The following MYO3B variants were observed in gnomAD, a reference collection of about 807,000 sequenced individuals.
MYO3B encodes the protein myosin-IIIb.
Under a neutral mutation model 174.6 loss-of-function variants are expected in MYO3B, and 156 were observed. The observed-to-expected ratio is 0.89, with a 90% CI of 0.78 to 1.02. The LOEUF (loss-of-function observed/expected upper bound fraction) is 1.02, where lower values mean the gene tolerates loss of function less well. Ranked by LOEUF, MYO3B falls within the 50% of genes least tolerant of loss-of-function variation. The pLI is 0.00. For missense variants in MYO3B, 1,632 were observed against 1,639.4 expected (o/e 1.00, Z 0.08); for synonymous variants, 563 against 569.1 (o/e 0.99, Z 0.15).
chr2:170,258,427 G>C (rs2093321142), intron 7 of MYO3B, among the ~76,000 whole-genome samples: 1 of 151,982 alleles, frequency 6.6e-6, no homozygotes. Flanking sequence ...CAATAAATGT[G>C]ATTCACCACA....
chr2:170,261,705 A>C (rs1198554182), intron 7 of MYO3B, among the ~76,000 whole-genome samples: 1 of 152,224 alleles, frequency 6.6e-6, no homozygotes, highest in Non-Finnish European at 1.5e-5. Flanking sequence ...TTGTGGCATG[A>C]TGCTATGTTT....
At chr2:170,189,371 G>A (rs534225483) in intron 1 of MYO3B, among the ~76,000 whole-genome samples, 142 of 152,062 alleles carry the variant, frequency 9.3e-4, no homozygotes, top group African/African-American at 3.0e-3. Flanking sequence ...CTTTCTCTAG[G>A]TTTAGGAGGT....
chr2:170,477,677 T>C lies in MYO3B; in HGVS notation c.3014+10966T>C, dbSNP rs536190278. 1.3e-5 allele frequency among the ~76,000 whole-genome samples: 2 copies of C among 151,120 alleles called. 1 individual carries two copies. The highest frequency in any genetic ancestry group is 4.3e-4 in the South Asian group (2 of 4,698). Reference sequence around the variant, plus strand: ...GCTGTCCTGTGCCTTATAAGATGTTTAGTAGCTTCTTTCTAGATTCTACAT... The same window carrying C: ...GCTGTCCTGTGCCTTATAAGATGTTCAGTAGCTTCTTTCTAGATTCTACAT... On this transcript the variant is annotated intron_variant, in intron 25 of 34. Coordinates refer to ENST00000408978, the MANE Select transcript of MYO3B (RefSeq NM_138995.5).
intron 7 of MYO3B, among the ~76,000 whole-genome samples, chr2:170,304,525 C>T (rs1192814269): frequency 6.9e-6 from 1 of 145,502 alleles, no homozygotes; most frequent in Admixed American, 7.0e-5. Context: ...AGTGCAGTGG[C>T]GTGACCTCAG....
intron 30 of MYO3B, among the ~76,000 whole-genome samples, chr2:170,521,211 T>C (rs1395148075): frequency 6.6e-6 from 1 of 152,246 alleles, no homozygotes; most frequent in Admixed American, 6.5e-5. Context: ...TCATTGGGCT[T>C]CTTTTAAAGT....
chr2:170,575,632 C>T (rs185118425), intron 32 of MYO3B, among the ~76,000 whole-genome samples: 1 of 152,082 alleles, frequency 6.6e-6, no homozygotes, highest in South Asian at 2.1e-4. Flanking sequence ...CAGATATGGG[C>T]CAATGGTCAT....
At chr2:170,627,554 CA>C (rs1446543043) in intron 32 of MYO3B, among the ~76,000 whole-genome samples, 1 of 152,230 alleles carries the variant, frequency 6.6e-6, no homozygotes, top group Non-Finnish European at 1.5e-5. Context: ...CTCAATTCGT[CA>C]AAGTCATTCT....
chr2:170,417,738 G>C (rs1004477415), intron 22 of MYO3B, among the ~76,000 whole-genome samples: 2 of 152,172 alleles, frequency 1.3e-5, no homozygotes, highest in Non-Finnish European at 2.9e-5. Flanking sequence ...CTCCATGTCT[G>C]TGTTTAAGTT....
chr2:170,392,570 A>C, intron 16 of MYO3B, 75 bp downstream of exon 16: 253 of 986,872 alleles, frequency 2.6e-4, no homozygotes, highest in Non-Finnish European at 3.4e-4. Flanking sequence ...GGTATTTCTC[A>C]CTTGGGATAA....
chr2:170,531,936 T>C (rs1216570276), intron 30 of MYO3B, among the ~76,000 whole-genome samples: 2 of 152,238 alleles, frequency 1.3e-5, no homozygotes, highest in Non-Finnish European at 2.9e-5. Flanking sequence ...GAATGGATGC[T>C]AACACTACTA....
intron 32 of MYO3B, among the ~76,000 whole-genome samples, chr2:170,620,680 G>A (rs779593437): frequency 5.9e-5 from 9 of 152,198 alleles, no homozygotes; most frequent in African/African-American, 1.4e-4. Context: ...AAAATGGCCC[G>A]GGTAGATCTG....
intron 1 of MYO3B, among the ~76,000 whole-genome samples, chr2:170,182,718 T>C (rs1246949491): frequency 6.6e-6 from 1 of 151,656 alleles, no homozygotes; most frequent in African/African-American, 2.4e-5. Flanking sequence ...TTTATGTTAT[T>C]CTCCTGCCTC....
intron 23 of MYO3B, among the ~76,000 whole-genome samples, chr2:170,462,583 G>T (rs553005303): frequency 6.6e-6 from 1 of 152,392 alleles, no homozygotes; most frequent in East Asian, 1.9e-4. Context: ...GCTGACAGCA[G>T]TGTCTTCCAT....
intron 32 of MYO3B, among the ~76,000 whole-genome samples, chr2:170,570,595 A>G (rs1469876991): frequency 2.6e-5 from 4 of 152,208 alleles, no homozygotes; most frequent in African/African-American, 9.6e-5. Context: ...CTTCCACAGC[A>G]AATTACTCTA....
Position 170,236,078 on chromosome 2 carries a change from G to C in MYO3B, c.691G>C (p.Asp231His), listed in dbSNP as rs774250061. ...GGGGATCACAGCTATTGAACTGGGG[G>C]ATGGAGACCCTCCCCTCTTTGACAT... ...SLGITAIELGDGDPPLFDMHP... is the reference protein window; with the variant it reads ...SLGITAIELGHGDPPLFDMHP... Residue 231 changes from aspartate to histidine, a missense_variant, in exon 7 of 35, where the codon GAT becomes CAT. Transcript: ENST00000408978. 2.5e-6 allele frequency: 4 copies of C among 1,614,078 alleles called. No homozygotes were observed. Among genetic ancestry groups the C allele is most frequent in the Non-Finnish European group, 3.4e-6 (4 of 1,180,008 alleles).
chr2:170,558,969 C>G (rs1308473445), intron 32 of MYO3B, among the ~76,000 whole-genome samples: 1 of 152,172 alleles, frequency 6.6e-6, no homozygotes, highest in Non-Finnish European at 1.5e-5. Context: ...AGTAAGCACT[C>G]AACAAAAATT....
intron 21 of MYO3B, among the ~76,000 whole-genome samples, chr2:170,406,727 T>A (rs2094511664): frequency 6.6e-6 from 1 of 152,164 alleles, no homozygotes; most frequent in Admixed American, 6.6e-5. Context: ...GGGAAAAACT[T>A]TTTTTATTTT....
intron 8 of MYO3B, among the ~76,000 whole-genome samples, chr2:170,338,912 T>C (rs2093961518): frequency 6.6e-6 from 1 of 152,174 alleles, no homozygotes; most frequent in Non-Finnish European, 1.5e-5. Context: ...CCCCAAATAA[T>C]ATCCTTTCAT....
intron 25 of MYO3B, among the ~76,000 whole-genome samples, chr2:170,478,378 G>T (rs1045370260): frequency 6.6e-6 from 1 of 152,066 alleles, no homozygotes; most frequent in African/African-American, 2.4e-5. Flanking sequence ...TAAATATTTC[G>T]AGTTCCTTAC....
Sources: gnomAD v4.1 joint callset for allele counts (sites outside exome capture counted in the v4.1 genomes callset) on GRCh38, gnomAD v4.1.1 for gene constraint, MANE v1.5 for transcripts, NCBI Gene and HGNC (gene_info 2026-07-23, HGNC 2026-07-21) for gene names.